Variants in AGBL2 observed in about 807,000 individuals in gnomAD.
AGBL2 encodes the protein cytosolic carboxypeptidase 2.
A neutral mutation model predicts 103.0 loss-of-function variants in AGBL2; 87 were observed. That is an observed-to-expected ratio of 0.84 (90% CI 0.71 to 1.01). AGBL2 has a LOEUF of 1.01. Ranked by LOEUF, AGBL2 falls within the 50% of genes least tolerant of loss-of-function variation. The probability of loss-of-function intolerance (pLI) is 0.00; values close to 1 mark genes in which losing one functional copy is unlikely to be tolerated. For synonymous variants in AGBL2, 335 were observed against 356.7 expected, an observed-to-expected ratio of 0.94 and a Z score of 0.69; for missense variants, 904 against 1,023.5, an observed-to-expected ratio of 0.88 and a Z score of 1.59.
At chr11:47,701,213 G>A (rs1467209711) in intron 7 of AGBL2, among the ~76,000 whole-genome samples, 3 of 152,052 alleles carry the variant, frequency 2.0e-5, no homozygotes, top group African/African-American at 7.2e-5. Flanking sequence ...GCTCACGCCT[G>A]TAATCCCAGC....
At chr11:47,691,860 T>C (rs2097448776) in intron 9 of AGBL2, among the ~76,000 whole-genome samples, 1 of 148,508 alleles carries the variant, frequency 6.7e-6, no homozygotes, top group South Asian at 2.1e-4. Flanking sequence ...CTTTTTATGT[T>C]ACATATTTTT....
At chr11:47,694,833 GAATA>G (rs2097461008) in intron 8 of AGBL2, among the ~76,000 whole-genome samples, 1 of 152,154 alleles carries the variant, frequency 6.6e-6, no homozygotes, top group Non-Finnish European at 1.5e-5. Flanking sequence ...GGGGAATGGG[GAATA>G]GTAAGTGGGC....
chr11:47,666,278 C>T (rs1467170147), intron 17 of AGBL2, among the ~76,000 whole-genome samples: 6 of 151,358 alleles, frequency 4.0e-5, no homozygotes, highest in African/African-American at 2.4e-5. Context: ...CCTGTAATCC[C>T]AGCTACTCCA....
At chr11:47,714,409 A>G in intron 2 of AGBL2, 62 bp from the exon 3 acceptor site, 5 of 1,508,218 alleles carry the variant, frequency 3.3e-6, no homozygotes, top group Non-Finnish European at 4.6e-6. Context: ...GACTCAACAA[A>G]AAGTACATGA....
intron 4 of AGBL2, 134 bp downstream of exon 4, chr11:47,710,243 T>C: frequency 9.5e-7 from 1 of 1,054,624 alleles, no homozygotes; most frequent in Non-Finnish European, 1.4e-6. Context: ...TAGAGAGAAG[T>C]TTTGAATGGT....
chr11:47,660,482 A>G, intron 18 of AGBL2, 136 bp from the exon 19 acceptor site: 1 of 775,668 alleles, frequency 1.3e-6, no homozygotes, highest in East Asian at 2.7e-5. Flanking sequence ...AAAGTAGTTG[A>G]CAATGTTACA....
intron 16 of AGBL2, 113 bp from the exon 17 acceptor site, chr11:47,667,176 G>C: frequency 1.4e-6 from 1 of 716,342 alleles, no homozygotes; most frequent in Non-Finnish European, 2.3e-6. Context: ...AGAAAGCAGA[G>C]GGTATGGTGG....
Position 47,675,500 on chromosome 11 carries a change from C to T in AGBL2, c.2147+1771G>A, listed in dbSNP as rs545696730. 5.3e-5 allele frequency among the ~76,000 whole-genome samples: 8 copies of T among 150,972 alleles called. No individual in the cohort carries two copies. In the East Asian group the frequency reaches 9.8e-4, roughly 19 times the overall value. On this transcript the variant is annotated intron_variant, in intron 14 of 18. Coordinates refer to ENST00000525123, the MANE Select transcript of AGBL2 (RefSeq NM_024783.4). ...CTCGGGTTCAGGCGATCCTCCCTCC[C>T]GCCTCAGCCTCCCAAGTAGCTGGGA... is the stretch of plus-strand genomic sequence containing the variant.
At chr11:47,680,199 C>T (rs1317704770) in intron 12 of AGBL2, 126 bp from the exon 13 acceptor site, 5 of 564,066 alleles carry the variant, frequency 8.9e-6, no homozygotes, top group Non-Finnish European at 1.5e-5. Flanking sequence ...CGCCTGTAAT[C>T]CCAGCACTTT....
At chr11:47,669,552 G>A (rs1413140806) in intron 14 of AGBL2, among the ~76,000 whole-genome samples, 3 of 151,968 alleles carry the variant, frequency 2.0e-5, no homozygotes, top group Admixed American at 6.6e-5. Flanking sequence ...GGTGGCGCAC[G>A]CCTGTAGTCC....
At chr11:47,669,780 T>G (rs1194701314) in intron 14 of AGBL2, among the ~76,000 whole-genome samples, 1 of 152,030 alleles carries the variant, frequency 6.6e-6, no homozygotes, top group Non-Finnish European at 1.5e-5. Context: ...CCCAGCTAAT[T>G]TTTTGTATTT....
chr11:47,677,121 C>T (rs2097378398), intron 14 of AGBL2, 150 bp downstream of exon 14: 1 of 572,312 alleles, frequency 1.7e-6, no homozygotes, highest in Non-Finnish European at 2.6e-6. Context: ...GATCCTCCCA[C>T]CTCAGCCTCC....
At chr11:47,668,588 G>A (rs2097348103) in intron 15 of AGBL2, among the ~76,000 whole-genome samples, 1 of 152,102 alleles carries the variant, frequency 6.6e-6, no homozygotes, top group African/African-American at 2.4e-5. Flanking sequence ...ATAATATCAG[G>A]CCCAGATATT....
intron 7 of AGBL2, among the ~76,000 whole-genome samples, chr11:47,703,769 T>C (rs2097506854): frequency 6.6e-6 from 1 of 151,536 alleles, no homozygotes; most frequent in Non-Finnish European, 1.5e-5. Flanking sequence ...CTACTAAAAA[T>C]ACAAAATTAG....
intron 14 of AGBL2, among the ~76,000 whole-genome samples, chr11:47,675,689 C>T (rs998583947): frequency 9.2e-5 from 14 of 151,916 alleles, no homozygotes; most frequent in Non-Finnish European, 1.9e-4. Context: ...TCATCCAGTC[C>T]CCATCTAGTG....
At chr11:47,706,038 A>C (rs17791016) in intron 4 of AGBL2, 121 bp from the exon 5 acceptor site, 137,446 of 765,388 alleles carry the variant, frequency 0.18, 14,975 homozygotes, top group East Asian at 0.37. Flanking sequence ...TTTCTATCTA[A>C]ATCTTTCTCC....
intron 13 of AGBL2, 75 bp downstream of exon 13, chr11:47,679,897 CT>C (rs2097394709): frequency 5.3e-6 from 5 of 947,126 alleles, no homozygotes; most frequent in Non-Finnish European, 8.3e-6. Context: ...CCACTTCAGC[CT>C]CCCAAAGTGC....
At chr11:47,685,749 T>C (rs2097421060) in intron 11 of AGBL2, 144 bp downstream of exon 11, 1 of 907,210 alleles carries the variant, frequency 1.1e-6, no homozygotes, top group South Asian at 1.8e-5. Context: ...ACCACGCTTT[T>C]CTAAATTCTT....
chr11:47,697,206 G>A (rs923747778), intron 8 of AGBL2, among the ~76,000 whole-genome samples: 1 of 151,570 alleles, frequency 6.6e-6, no homozygotes, highest in Admixed American at 6.6e-5. Flanking sequence ...TAGGATTACA[G>A]GTATGAGGCA....
Sources: allele counts gnomAD v4.1 joint callset (sites outside exome capture counted in the v4.1 genomes callset), GRCh38; gene constraint gnomAD v4.1.1; transcripts MANE v1.5; gene names NCBI Gene and HGNC (gene_info 2026-07-23, HGNC 2026-07-21).